DCDC2: variants seen among roughly 807,000 people sequenced by gnomAD.
The protein encoded by DCDC2 is doublecortin domain containing 2, also known as doublecortin domain-containing protein 2.
Under a neutral mutation model 50.2 loss-of-function variants are expected in DCDC2, and 40 were observed. The observed-to-expected ratio is 0.80, with a 90% confidence interval of 0.62 to 1.04. DCDC2 has a LOEUF of 1.04. DCDC2 is among the 50% of genes least tolerant of loss of function. The pLI, the probability that DCDC2 is intolerant of heterozygous loss-of-function variation, is 0.00. For synonymous variants in DCDC2, 234 were observed against 210.6 expected (o/e 1.11, Z -0.96); for missense variants, 570 against 581.9 (o/e 0.98, Z 0.21).
intron 8 of DCDC2, 57 bp from the exon 9 acceptor site, chr6:24,178,689 C>G: frequency 1.4e-6 from 2 of 1,475,626 alleles, no homozygotes; most frequent in Non-Finnish European, 1.8e-6. Context: ...AACATTTCCA[C>G]TGCACATCAT....
intron 7 of DCDC2, among the ~76,000 whole-genome samples, chr6:24,227,138 T>G (rs112152428): frequency 0.015 from 2,342 of 152,276 alleles, 21 homozygotes; most frequent in South Asian, 0.05. Flanking sequence ...AGGAAGGGCA[T>G]TTGAGAAGAT....
rs1019129270 is a variant in DCDC2 at position 24,215,105 on chromosome 6, T to C, written c.923-10003A>G. Among the ~76,000 whole-genome samples, 4 of 151,378 alleles carry C rather than the reference T, an allele frequency of 2.6e-5. No homozygotes were observed. In the South Asian group the frequency reaches 6.3e-4, roughly 24 times the overall value. Reference sequence around the variant, plus strand: ...TAAGCTGTTAAGACAGTGCATAAAGTAGGAAAGAAAAAAAATGGGGAGAGG... The same window carrying C: ...TAAGCTGTTAAGACAGTGCATAAAGCAGGAAAGAAAAAAAATGGGGAGAGG... On this transcript the variant is annotated intron_variant, in intron 7 of 9. Coordinates refer to ENST00000378454, the MANE Select transcript of DCDC2 (RefSeq NM_016356.5).
intron 6 of DCDC2, among the ~76,000 whole-genome samples, chr6:24,279,788 T>G (rs1763433313): frequency 6.6e-6 from 1 of 152,162 alleles, no homozygotes; most frequent in African/African-American, 2.4e-5. Context: ...AACTAACTCT[T>G]AATTTCTCTA....
chr6:24,288,974 T>G (rs1211797824), intron 5 of DCDC2, 68 bp from the exon 6 acceptor site: 1 of 1,216,674 alleles, frequency 8.2e-7, no homozygotes, highest in East Asian at 2.4e-5. Context: ...GCAAGATAAT[T>G]ATCATCCCCA....
At chr6:24,333,469 C>T (rs1402970480) in intron 2 of DCDC2, among the ~76,000 whole-genome samples, 2 of 152,110 alleles carry the variant, frequency 1.3e-5, no homozygotes, top group Admixed American at 1.3e-4. Flanking sequence ...ACACACGCAA[C>T]CAAAATCACA....
chr6:24,369,742 G>A, the DCDC2 span, among the ~76,000 whole-genome samples: 1,116 of 152,162 alleles, frequency 7.3e-3, 15 homozygotes, highest in African/African-American at 0.025. Context: ...AAAATTATGT[G>A]ATAAAAATCT....
intron 8 of DCDC2, among the ~76,000 whole-genome samples, chr6:24,204,137 G>A (rs1372647789): frequency 6.6e-6 from 1 of 152,096 alleles, no homozygotes; most frequent in Non-Finnish European, 1.5e-5. Context: ...TCATTACTGG[G>A]TATATACCTG....
At chr6:24,308,701 A>C (rs4712819) in intron 2 of DCDC2, among the ~76,000 whole-genome samples, 116,809 of 151,818 alleles carry the variant, frequency 0.77, 47,562 homozygotes, top group East Asian at 0.99. Flanking sequence ...TGGAAAAATG[A>C]TAAAATAAGA....
At chr6:24,212,372 T>C (rs1410725548) in intron 7 of DCDC2, among the ~76,000 whole-genome samples, 2 of 152,148 alleles carry the variant, frequency 1.3e-5, no homozygotes, top group East Asian at 3.9e-4. Flanking sequence ...CTGCTCCTCC[T>C]GCCAAAAAGA....
chr6:24,307,623 T>C (rs1458533598), intron 2 of DCDC2, among the ~76,000 whole-genome samples: 2 of 152,148 alleles, frequency 1.3e-5, no homozygotes, highest in Non-Finnish European at 2.9e-5. Context: ...TGAATCAGTT[T>C]TCACCACTTT....
intron 7 of DCDC2, among the ~76,000 whole-genome samples, chr6:24,238,032 C>A (rs1455526113): frequency 7.3e-6 from 1 of 136,924 alleles, no homozygotes; most frequent in Non-Finnish European, 1.5e-5. Context: ...ACACAATATA[C>A]CCCTGTAATA....
chr6:24,200,832 G>GA (rs1008060262), intron 8 of DCDC2, among the ~76,000 whole-genome samples: 1,555 of 133,594 alleles, frequency 0.012, 32 homozygotes, highest in African/African-American at 0.038. Flanking sequence ...AAGAAAAAAA[G>GA]AAAAAAAAAA....
intron 2 of DCDC2, among the ~76,000 whole-genome samples, chr6:24,305,126 AC>A: frequency 6.6e-6 from 1 of 152,248 alleles, no homozygotes; most frequent in African/African-American, 2.4e-5. Flanking sequence ...GCTTTAGAGC[AC>A]AGATAGCTAT....
chr6:24,238,418 C>G (rs1032117664), intron 7 of DCDC2, among the ~76,000 whole-genome samples: 7 of 151,470 alleles, frequency 4.6e-5, no homozygotes, highest in African/African-American at 1.7e-4. Context: ...CATGCCTCAG[C>G]CTCCCAAGTA....
Position 24,220,876 on chromosome 6 carries a change from G to GA in DCDC2, c.923-15775_923-15774insT, listed in dbSNP as rs758233049. Reference sequence around the variant, plus strand: ...CAGGAGAGAGACAGAGAGCAAGAGAGCGAGAGCGAGAGAGTGAGCGAGCGA... The same window carrying GA: ...CAGGAGAGAGACAGAGAGCAAGAGAGACGAGAGCGAGAGAGTGAGCGAGCGA... On this transcript the variant is annotated intron_variant, in intron 7 of 9. Coordinates refer to ENST00000378454, the MANE Select transcript of DCDC2 (RefSeq NM_016356.5). 6.0e-4 allele frequency among the ~76,000 whole-genome samples: 80 copies of GA among 132,950 alleles called. 1 individual carries two copies. Among genetic ancestry groups the GA allele is most frequent in the South Asian group, 2.6e-3 (10 of 3,822 alleles). 87.2% of individuals were successfully genotyped at this position (132,950 alleles called of 152,430 possible).
At chr6:24,259,005 C>CT (rs1298878995) in intron 7 of DCDC2, among the ~76,000 whole-genome samples, 2 of 152,156 alleles carry the variant, frequency 1.3e-5, no homozygotes, top group Non-Finnish European at 2.9e-5. Context: ...CAGGAATAGT[C>CT]TTTCCTCGAA....
intron 7 of DCDC2, among the ~76,000 whole-genome samples, chr6:24,245,210 A>G (rs1209595262): frequency 6.6e-6 from 1 of 152,188 alleles, no homozygotes; most frequent in Non-Finnish European, 1.5e-5. Context: ...TTTTATTCAT[A>G]GCTGAGCTCA....
At chr6:24,199,098 C>T (rs1339906135) in intron 8 of DCDC2, among the ~76,000 whole-genome samples, 2 of 152,238 alleles carry the variant, frequency 1.3e-5, no homozygotes, top group African/African-American at 2.4e-5. Context: ...CAGACTTAAA[C>T]ATTCCTGCCT....
the DCDC2 span, among the ~76,000 whole-genome samples, chr6:24,374,910 G>A: frequency 3.6e-4 from 55 of 152,286 alleles, no homozygotes; most frequent in Middle Eastern, 6.8e-3. Flanking sequence ...GGCTGCCTGC[G>A]AGGAGCCCCA....
Sources: allele counts gnomAD v4.1 joint callset (sites outside exome capture counted in the v4.1 genomes callset), GRCh38; gene constraint gnomAD v4.1.1; transcripts MANE v1.5; gene names NCBI Gene and HGNC (gene_info 2026-07-23, HGNC 2026-07-21).